CSMD1: variants seen among roughly 807,000 people sequenced by gnomAD.
CSMD1 encodes CUB and Sushi multiple domains 1.
Under a neutral mutation model 417.5 loss-of-function variants are expected in CSMD1, and 213 were observed. That is an observed-to-expected ratio of 0.51 (90% CI 0.46 to 0.57). CSMD1 has a LOEUF of 0.57. Ranked by LOEUF, CSMD1 falls within the 20% of genes least tolerant of loss-of-function variation. The pLI, the probability that CSMD1 is intolerant of heterozygous loss-of-function variation, is 0.00. For missense variants in CSMD1, 6,923 were observed against 4,529.7 expected, an observed-to-expected ratio of 1.53 and a Z score of -15.17; for synonymous variants, 2,862 against 1,736.8, an observed-to-expected ratio of 1.65 and a Z score of -16.11.
At chr8:4,462,539 C>G (rs1036723129) in intron 2 of CSMD1, among the ~76,000 whole-genome samples, 1 of 152,052 alleles carries the variant, frequency 6.6e-6, no homozygotes, top group Non-Finnish European at 1.5e-5. Context: ...ATACTCAAAA[C>G]AATCTTTAAA....
intron 3 of CSMD1, among the ~76,000 whole-genome samples, chr8:4,176,023 C>T (rs749114661): frequency 9.2e-5 from 14 of 152,064 alleles, no homozygotes; most frequent in Non-Finnish European, 1.9e-4. Context: ...TCGCCATAGC[C>T]ATTTCAGGGT....
At chr8:2,990,076 G>A (rs1426069232) in intron 54 of CSMD1, among the ~76,000 whole-genome samples, 2 of 152,196 alleles carry the variant, frequency 1.3e-5, no homozygotes, top group African/African-American at 2.4e-5. Flanking sequence ...CTGTGTGGAG[G>A]TAACTGGGAC....
intron 3 of CSMD1, among the ~76,000 whole-genome samples, chr8:4,169,782 G>A (rs571987370): frequency 2.6e-5 from 4 of 152,050 alleles, no homozygotes; most frequent in Admixed American, 6.6e-5. Flanking sequence ...CTTCTTTACC[G>A]TTAAACGTAT....
At chr8:3,412,062 G>GTA (rs1491550932) in intron 12 of CSMD1, among the ~76,000 whole-genome samples, 406 of 26,158 alleles carry the variant, frequency 0.016, 102 homozygotes, top group African/African-American at 0.04. Context: ...ATATACACAC[G>GTA]TATATATACA....
At chr8:3,836,647 C>T (rs1242959518) in intron 5 of CSMD1, among the ~76,000 whole-genome samples, 1 of 152,050 alleles carries the variant, frequency 6.6e-6, no homozygotes, top group Non-Finnish European at 1.5e-5. Context: ...TACACATTCA[C>T]AACATGAGAC....
At chr8:4,515,925 T>C (rs1803092139) in intron 2 of CSMD1, among the ~76,000 whole-genome samples, 1 of 152,184 alleles carries the variant, frequency 6.6e-6, no homozygotes, top group African/African-American at 2.4e-5. Context: ...AGCAGACTTG[T>C]AGCCATTTAG....
chr8:4,309,259 CAACT>C (rs1011825823), intron 3 of CSMD1, among the ~76,000 whole-genome samples: 1 of 151,624 alleles, frequency 6.6e-6, no homozygotes, highest in Non-Finnish European at 1.5e-5. Flanking sequence ...TAATTCACAC[CAACT>C]AATTATTCAG....
chr8:4,001,156 T>C (rs1815641371), intron 4 of CSMD1, among the ~76,000 whole-genome samples: 1 of 152,204 alleles, frequency 6.6e-6, no homozygotes. Context: ...ATAGTCGTAT[T>C]TATGTGCATG....
chr8:3,126,826 C>T (rs915508289), intron 41 of CSMD1, among the ~76,000 whole-genome samples: 14 of 152,270 alleles, frequency 9.2e-5, no homozygotes, highest in African/African-American at 3.1e-4. Flanking sequence ...CAGGCTTATA[C>T]ATCAATGCTT....
chr8:4,853,977 G>C (rs999573670), intron 1 of CSMD1, among the ~76,000 whole-genome samples: 2 of 151,872 alleles, frequency 1.3e-5, no homozygotes, highest in Admixed American at 1.3e-4. Context: ...TTTTTCCTTT[G>C]GTATGAGAAT....
At chr8:4,480,199 A>C (rs1000048259) in intron 2 of CSMD1, among the ~76,000 whole-genome samples, 1 of 151,298 alleles carries the variant, frequency 6.6e-6, no homozygotes, top group Non-Finnish European at 1.5e-5. Flanking sequence ...AAAAAAAAAA[A>C]ACAAAAAAAA....
At chr8:4,613,860 C>CAAAAAA (rs60679775) in intron 2 of CSMD1, among the ~76,000 whole-genome samples, 2 of 123,658 alleles carry the variant, frequency 1.6e-5, no homozygotes, top group African/African-American at 5.7e-5. Flanking sequence ...TGTCTAATGC[C>CAAAAAA]AAAAAAAAAA....
intron 7 of CSMD1, among the ~76,000 whole-genome samples, chr8:3,667,928 G>A (rs1798787171): frequency 6.6e-6 from 1 of 152,118 alleles, no homozygotes; most frequent in South Asian, 2.1e-4. Context: ...AGACACCACT[G>A]GTGCCAATTC....
At chr8:3,416,514 G>A (rs17066072) in intron 12 of CSMD1, among the ~76,000 whole-genome samples, 3 of 152,048 alleles carry the variant, frequency 2.0e-5, no homozygotes, top group African/African-American at 4.8e-5. Flanking sequence ...ATTTCAAAAA[G>A]AGCTAAGAAG....
chr8:4,813,882 G>C (rs1799054495), intron 1 of CSMD1, among the ~76,000 whole-genome samples: 1 of 152,118 alleles, frequency 6.6e-6, no homozygotes, highest in African/African-American at 2.4e-5. Context: ...TTCCATTAGA[G>C]AATATTTACA....
At chr8:3,327,345 G>T (rs1806599506) in intron 23 of CSMD1, among the ~76,000 whole-genome samples, 2 of 152,196 alleles carry the variant, frequency 1.3e-5, no homozygotes, top group South Asian at 2.1e-4. Context: ...ATGTTAACCA[G>T]GATGGTCTCG....
intron 1 of CSMD1, among the ~76,000 whole-genome samples, chr8:4,651,242 A>T (rs1803874391): frequency 6.6e-6 from 1 of 152,246 alleles, no homozygotes; most frequent in South Asian, 2.1e-4. Flanking sequence ...AAACAGCAAG[A>T]GGACAGTTTT....
At chr8:4,256,735 A>C (rs184504704) in intron 3 of CSMD1, among the ~76,000 whole-genome samples, 1 of 152,228 alleles carries the variant, frequency 6.6e-6, no homozygotes, top group East Asian at 1.9e-4. Context: ...AGGCACAGTT[A>C]CGGGCAGTGA....
At chr8:3,262,230 TACACACAC>T (rs1554490216) in intron 26 of CSMD1, among the ~76,000 whole-genome samples, 2 of 95,682 alleles carry the variant, frequency 2.1e-5, no homozygotes, top group Non-Finnish European at 4.1e-5. Flanking sequence ...TATATATATA[TACACACAC>T]ATAGTTAATT....
Sources: gnomAD v4.1 joint callset for allele counts (sites outside exome capture counted in the v4.1 genomes callset) on GRCh38, gnomAD v4.1.1 for gene constraint, MANE v1.5 for transcripts, NCBI Gene and HGNC (gene_info 2026-07-23, HGNC 2026-07-21) for gene names.